ASTN1: variants seen among roughly 807,000 people sequenced by gnomAD.
ASTN1 encodes astrotactin 1.
ASTN1 carries 41 observed loss-of-function variants against 140.7 expected under a neutral mutation model. The observed-to-expected ratio is 0.29, with a 90% confidence interval of 0.23 to 0.38. The LOEUF (loss-of-function observed/expected upper bound fraction) is 0.38. Ranked by LOEUF, ASTN1 falls within the 10% of genes least tolerant of loss-of-function variation. The pLI is 1.00. For missense variants in ASTN1, 1,479 were observed against 1,678.8 expected, an observed-to-expected ratio of 0.88 and a Z score of 2.08; for synonymous variants, 640 against 652.2, an observed-to-expected ratio of 0.98 and a Z score of 0.29.
chr1:176,863,741 G>A lies in ASTN1; in HGVS notation c.*543C>T. 3 of 986,840 alleles carry A rather than the reference G, an allele frequency of 3.0e-6. No individual in the cohort carries two copies. The South Asian group carries it at 1.4e-4, about 46-fold the overall frequency. The allele number at this position is 986,840 out of a possible 1,614,324, so 61.1% of individuals were successfully genotyped here. ...GCAAGGCCTAGGAAGAAAACCAGGA[G>A]ACACAGACAAGGGCCACCTTCCTCA... On this transcript the variant is annotated 3_prime_UTR_variant, in exon 23 of 23. Coordinates refer to ENST00000361833, the MANE Select transcript of ASTN1 (RefSeq NM_004319.3).
At chr1:176,898,022 GC>G (rs1247448151) in intron 16 of ASTN1, among the ~76,000 whole-genome samples, 4 of 152,146 alleles carry the variant, frequency 2.6e-5, no homozygotes, top group Admixed American at 2.0e-4. Context: ...GGGCCTTCCT[GC>G]CCTCCAGCTG....
chr1:176,865,774 A>G (rs1243707525), intron 22 of ASTN1, among the ~76,000 whole-genome samples: 6 of 152,230 alleles, frequency 3.9e-5, no homozygotes, highest in African/African-American at 1.4e-4. Flanking sequence ...TACAAAAGAA[A>G]GGTTTAATTG....
At chr1:177,115,485 T>C (rs1390888898) in intron 1 of ASTN1, among the ~76,000 whole-genome samples, 1 of 151,940 alleles carries the variant, frequency 6.6e-6, no homozygotes, top group Admixed American at 6.6e-5. Flanking sequence ...GGTGAACCCC[T>C]ACCTCTACTA....
At chr1:177,099,327 T>G (rs943284078) in intron 1 of ASTN1, among the ~76,000 whole-genome samples, 2 of 152,182 alleles carry the variant, frequency 1.3e-5, no homozygotes, top group Non-Finnish European at 2.9e-5. Context: ...AAGTCCTCGC[T>G]TATATTTTAT....
intron 1 of ASTN1, among the ~76,000 whole-genome samples, chr1:177,127,078 C>G (rs1681691727): frequency 6.6e-6 from 1 of 152,084 alleles, no homozygotes; most frequent in African/African-American, 2.4e-5. Flanking sequence ...ATCATTGGAA[C>G]AGTCAGACAA....
At chr1:176,879,149 G>T (rs1668685287) in intron 20 of ASTN1, among the ~76,000 whole-genome samples, 3 of 152,254 alleles carry the variant, frequency 2.0e-5, no homozygotes, top group South Asian at 2.1e-4. Flanking sequence ...TCTGGTCCTC[G>T]CAGTTCGCTC....
chr1:176,985,981 C>T (rs990827906), intron 8 of ASTN1, among the ~76,000 whole-genome samples: 4 of 151,840 alleles, frequency 2.6e-5, no homozygotes, highest in South Asian at 4.2e-4. Flanking sequence ...CTCAGGTGGC[C>T]GGTGAGCAGG....
chr1:177,011,123 T>C (rs1675270409), intron 8 of ASTN1, among the ~76,000 whole-genome samples: 1 of 152,184 alleles, frequency 6.6e-6, no homozygotes, highest in Non-Finnish European at 1.5e-5. Context: ...ATTGAGCTTT[T>C]TATTTACCAT....
At chr1:177,043,866 C>T (rs957598089) in intron 2 of ASTN1, among the ~76,000 whole-genome samples, 3 of 152,120 alleles carry the variant, frequency 2.0e-5, no homozygotes, top group Admixed American at 2.0e-4. Context: ...GAAACCCTGG[C>T]AGTCAAAAAA....
chr1:177,052,668 T>G (rs1278849479), intron 2 of ASTN1, among the ~76,000 whole-genome samples: 1 of 152,240 alleles, frequency 6.6e-6, no homozygotes, highest in African/African-American at 2.4e-5. Context: ...TATTTGGTCT[T>G]CTTGCCCGAT....
chr1:176,987,877 G>C (rs145645721), intron 8 of ASTN1, among the ~76,000 whole-genome samples: 118 of 152,302 alleles, frequency 7.7e-4, no homozygotes, highest in African/African-American at 2.6e-3. Flanking sequence ...CATCTGAGGT[G>C]AACAAAGAGG....
At chr1:177,129,888 A>G (rs1681859574) in intron 1 of ASTN1, among the ~76,000 whole-genome samples, 1 of 152,138 alleles carries the variant, frequency 6.6e-6, no homozygotes, top group Non-Finnish European at 1.5e-5. Flanking sequence ...AATCACTTGA[A>G]CCCAGGAGGT....
Position 177,090,914 on chromosome 1 carries a change from C to T in ASTN1, c.284-29649G>A, listed in dbSNP as rs547581794. Among the ~76,000 whole-genome samples, 18 of 149,834 alleles carry T rather than the reference C, an allele frequency of 1.2e-4. No individual in the cohort carries two copies. In the South Asian group the frequency reaches 3.2e-3, roughly 27 times the overall value. ...TGGGATTCCTTTACCATTCTGTCTA[C>T]ATGACCTTGTTTTCTAGATGGGTGG... On this transcript the variant is annotated intron_variant, in intron 1 of 22. Transcript: ENST00000361833.
intron 1 of ASTN1, among the ~76,000 whole-genome samples, chr1:177,129,144 A>G (rs1305622456): frequency 2.0e-5 from 3 of 152,194 alleles, no homozygotes; most frequent in Admixed American, 1.3e-4. Context: ...TCTTATTGGG[A>G]AAACAACAGA....
chr1:177,141,598 A>G (rs577483029), intron 1 of ASTN1, among the ~76,000 whole-genome samples: 52 of 152,226 alleles, frequency 3.4e-4, no homozygotes, highest in African/African-American at 1.1e-3. Context: ...GGCCAGCTCT[A>G]TTTCCATGGA....
At chr1:177,059,797 G>A (rs1379653850) in intron 2 of ASTN1, among the ~76,000 whole-genome samples, 1 of 152,178 alleles carries the variant, frequency 6.6e-6, no homozygotes, top group Admixed American at 6.5e-5. Flanking sequence ...ATAGCATGTA[G>A]TGATGGTACT....
At chr1:177,038,759 T>C (rs914407834) in intron 2 of ASTN1, among the ~76,000 whole-genome samples, 1 of 152,214 alleles carries the variant, frequency 6.6e-6, no homozygotes, top group African/African-American at 2.4e-5. Context: ...AACACACGTA[T>C]GGTTCCTGAT....
chr1:176,902,692 G>T (rs1325100386), intron 16 of ASTN1, among the ~76,000 whole-genome samples: 2 of 152,174 alleles, frequency 1.3e-5, no homozygotes, highest in African/African-American at 2.4e-5. Context: ...TTGGGTCAAA[G>T]AAATGATGGG....
chr1:176,868,656 A>G (rs1288651651), intron 22 of ASTN1, among the ~76,000 whole-genome samples, 188 bp downstream of exon 22: 1 of 152,182 alleles, frequency 6.6e-6, no homozygotes, highest in African/African-American at 2.4e-5. Flanking sequence ...TCATGGCTGG[A>G]CTGCTTAAAT....
Sources: gnomAD v4.1 joint callset for allele counts (sites outside exome capture counted in the v4.1 genomes callset) on GRCh38, gnomAD v4.1.1 for gene constraint, MANE v1.5 for transcripts, NCBI Gene and HGNC (gene_info 2026-07-23, HGNC 2026-07-21) for gene names.